DIS3L2: variants seen among roughly 807,000 people sequenced by gnomAD.
DIS3L2 encodes the protein DIS3 like 3'-5' exoribonuclease 2.
In DIS3L2, 34 loss-of-function variants were observed where a neutral mutation model predicts 97.5. That is an observed-to-expected ratio of 0.35 (90% confidence interval 0.27 to 0.46). The LOEUF is 0.46. DIS3L2 is among the 20% of genes least tolerant of loss of function. DIS3L2 has a pLI of 1.00. For missense variants in DIS3L2, 1,038 were observed against 1,146.0 expected (o/e 0.91, Z 1.36); for synonymous variants, 435 against 445.2 (o/e 0.98, Z 0.29).
At chr2:232,313,444 G>A (rs918821530) in intron 14 of DIS3L2, among the ~76,000 whole-genome samples, 2 of 152,140 alleles carry the variant, frequency 1.3e-5, no homozygotes, top group African/African-American at 2.4e-5. Flanking sequence ...TTTTACAGAA[G>A]GATCTCATGG....
At chr2:232,039,706 A>G (rs573754520) in intron 5 of DIS3L2, among the ~76,000 whole-genome samples, 22 of 152,166 alleles carry the variant, frequency 1.4e-4, no homozygotes, top group Non-Finnish European at 2.8e-4. Flanking sequence ...GGGGCAAATG[A>G]TAGTTTCTTC....
At position 231,984,791 on chromosome 2, in the gene DIS3L2, T is replaced by G. The variant is rs1693366121; in HGVS notation, c.-94+23026T>G. On this transcript the variant is annotated intron_variant, in intron 1 of 20. Transcript: ENST00000325385. ...TGCGCCACGGCACCCAGCTAATTTT[T>G]TGTATTTTCAGTAGAGACAACATTT... Among the ~76,000 whole-genome samples, 3 of 152,110 alleles carry G rather than the reference T, an allele frequency of 2.0e-5. No individual in the cohort carries two copies. The South Asian group carries it at 6.2e-4, about 32-fold the overall frequency.
intron 6 of DIS3L2, among the ~76,000 whole-genome samples, chr2:232,098,755 C>G (rs1450056067): frequency 2.0e-5 from 3 of 152,136 alleles, no homozygotes. Flanking sequence ...TGTTGATTTA[C>G]AGGAATTTCT....
intron 9 of DIS3L2, among the ~76,000 whole-genome samples, chr2:232,199,701 A>G (rs537159272): frequency 1.3e-5 from 2 of 152,328 alleles, no homozygotes; most frequent in African/African-American, 2.4e-5. Context: ...CTATCTATAT[A>G]TGTATGAAAA....
rs1694279549 is a variant in DIS3L2, at chr2:232,281,324, G to A, written c.1659+17884G>A. Among the ~76,000 whole-genome samples, 2 of 152,336 alleles carry A rather than the reference G, an allele frequency of 1.3e-5. No homozygotes were observed. The highest frequency in any genetic ancestry group is 2.1e-4 in the South Asian group (1 of 4,822). On this transcript the variant is annotated intron_variant, in intron 13 of 20. Coordinates refer to ENST00000325385, the MANE Select transcript of DIS3L2 (RefSeq NM_152383.5). The surrounding 1 kb of genome is among the most constrained non-coding windows in gnomAD (Gnocchi z 4.1). ...TGAGGCAGGAGAAGGGCGTGAACCC[G>A]GGAGGCGGAGCTTGCAGTGAGCCGA...
At chr2:232,071,245 G>A (rs928399048) in intron 5 of DIS3L2, among the ~76,000 whole-genome samples, 6 of 152,158 alleles carry the variant, frequency 3.9e-5, no homozygotes, top group Non-Finnish European at 7.3e-5. Context: ...TTCTTGGCTC[G>A]CTGTGGTGGC....
intron 3 of DIS3L2, among the ~76,000 whole-genome samples, chr2:232,018,928 T>C (rs940794850): frequency 1.3e-5 from 2 of 152,166 alleles, no homozygotes; most frequent in Non-Finnish European, 2.9e-5. Context: ...TTCATTTCTC[T>C]CTTCATAGGT....
Position 232,333,747 on chromosome 2 carries a change from G to A in DIS3L2, c.2011-93G>A, listed in dbSNP as rs1036395445. 13 of 1,478,190 alleles carry A rather than the reference G, an allele frequency of 8.8e-6. No individual in the cohort carries two copies. In the South Asian group the frequency reaches 9.7e-5, roughly 11 times the overall value. The allele number at this position is 1,478,190 out of a possible 1,614,324, so 91.6% of individuals were successfully genotyped here. A position where few individuals can be genotyped will look rare whatever the true frequency, so the allele number is the denominator to read the frequency against. On this transcript the variant is annotated intron_variant, in intron 16 of 20. Coordinates refer to ENST00000325385, the MANE Select transcript of DIS3L2 (RefSeq NM_152383.5). ...AGCCCATTAGGTCTGTCCACACATC[G>A]CTGCCGACGGTGAGGCTGTGGGTGG...
chr2:232,059,790 A>G (rs763744596), intron 5 of DIS3L2, among the ~76,000 whole-genome samples: 1 of 152,136 alleles, frequency 6.6e-6, no homozygotes, highest in Non-Finnish European at 1.5e-5. Context: ...AACTTCATTC[A>G]TGGTGCTGGA....
At chr2:232,070,035 T>G (rs1398934702) in intron 5 of DIS3L2, among the ~76,000 whole-genome samples, 1 of 152,192 alleles carries the variant, frequency 6.6e-6, no homozygotes, top group African/African-American at 2.4e-5. Flanking sequence ...CAAAATACAG[T>G]AAAGAGTATG....
intron 4 of DIS3L2, among the ~76,000 whole-genome samples, chr2:232,027,606 C>A (rs1393139749): frequency 6.6e-6 from 1 of 152,194 alleles, no homozygotes; most frequent in African/African-American, 2.4e-5. Context: ...TACACAATGT[C>A]ATTTGCTATG....
At chr2:232,016,891 C>T (rs1426615309) in intron 3 of DIS3L2, among the ~76,000 whole-genome samples, 1 of 150,948 alleles carries the variant, frequency 6.6e-6, no homozygotes, top group Non-Finnish European at 1.5e-5. Context: ...TCTTCTCTTC[C>T]TTTTTGTCCC....
chr2:232,143,548 T>C (rs972665406), intron 8 of DIS3L2, among the ~76,000 whole-genome samples: 1 of 152,154 alleles, frequency 6.6e-6, no homozygotes, highest in Non-Finnish European at 1.5e-5. Context: ...TATTTACTGT[T>C]AAATTTATTC....
chr2:232,053,562 T>A (rs769357792), intron 5 of DIS3L2, among the ~76,000 whole-genome samples: 4 of 152,224 alleles, frequency 2.6e-5, no homozygotes, highest in Non-Finnish European at 5.9e-5. Context: ...CAGTCCGGGC[T>A]GCCTGTACTT....
chr2:232,303,420 A>G (rs927301012), intron 14 of DIS3L2, among the ~76,000 whole-genome samples: 2 of 152,248 alleles, frequency 1.3e-5, no homozygotes, highest in Non-Finnish European at 2.9e-5. Context: ...GCTAAGTAAC[A>G]TGAAGACAAT....
intron 6 of DIS3L2, among the ~76,000 whole-genome samples, chr2:232,094,981 T>C (rs1479381530): frequency 6.6e-6 from 1 of 152,166 alleles, no homozygotes; most frequent in Non-Finnish European, 1.5e-5. Flanking sequence ...CTTCTCCCCT[T>C]TTTTGGTTTC....
Position 232,263,411 on chromosome 2 carries a change from T to G in DIS3L2, c.1630T>G (p.Phe544Val). 1 of 1,614,176 alleles carries G rather than the reference T, an allele frequency of 6.2e-7. No individual in the cohort carries two copies. The highest frequency in any genetic ancestry group is 1.1e-5 in the South Asian group (1 of 91,082). ...GIAKQLRQQR[F>V]VDGALRLDQL... Reference sequence around the variant, plus strand: ...TGCCAAGCAGTTACGCCAGCAGCGCTTTGTGGACGGCGCACTTCGTTTGGA... The same window carrying G: ...TGCCAAGCAGTTACGCCAGCAGCGCGTTGTGGACGGCGCACTTCGTTTGGA... The change falls in exon 13 of 21, where the codon TTT becomes GTT. Residue 544 changes from phenylalanine to valine, a missense_variant. Coordinates refer to ENST00000325385, the MANE Select transcript of DIS3L2 (RefSeq NM_152383.5).
At chr2:232,133,160 G>A (rs1698266298) in intron 7 of DIS3L2, among the ~76,000 whole-genome samples, 1 of 152,158 alleles carries the variant, frequency 6.6e-6, no homozygotes, top group Non-Finnish European at 1.5e-5. Context: ...GCCACAACAA[G>A]AAACCCAAAA....
At chr2:232,270,864 CTCTCTCTCTCTCTCT>C (rs1693975892) in intron 13 of DIS3L2, among the ~76,000 whole-genome samples, 1 of 20,768 alleles carries the variant, frequency 4.8e-5, no homozygotes, top group African/African-American at 2.4e-4. Context: ...TTTCTCGTCT[CTCTCTCTCTCTCTCT>C]CTCTCTCTCT....
Sources: allele counts gnomAD v4.1 joint callset (sites outside exome capture counted in the v4.1 genomes callset), GRCh38; gene constraint gnomAD v4.1.1; non-coding constraint Gnocchi (gnomAD v3.1); transcripts MANE v1.5; gene names NCBI Gene and HGNC (gene_info 2026-07-23, HGNC 2026-07-21).